Variants in REST observed in about 807,000 individuals in gnomAD.
The protein encoded by REST is RE1-silencing transcription factor.
In REST, 1 loss-of-function variant was observed where a neutral mutation model predicts 30.4. That is an observed-to-expected ratio of 0.03 (90% CI 0.01 to 0.16). REST has a LOEUF of 0.16. Among genes scored for constraint, REST ranks in the 10% least tolerant of loss-of-function variants. REST has a pLI of 1.00. For synonymous variants in REST, 504 were observed against 451.1 expected (o/e 1.12, Z -1.49); for missense variants, 1,259 against 1,329.5 (o/e 0.95, Z 0.82).
At chr4:56,914,989 A>G (rs1720120030) in intron 2 of REST, among the ~76,000 whole-genome samples, 1 of 138,184 alleles carries the variant, frequency 7.2e-6, no homozygotes, top group South Asian at 2.2e-4. Context: ...CAATGGTGCA[A>G]TCTCGGCTCA....
At chr4:56,924,164 G>GT in intron 3 of REST, among the ~76,000 whole-genome samples, 1 of 152,134 alleles carries the variant, frequency 6.6e-6, no homozygotes, top group Non-Finnish European at 1.5e-5. Context: ...AGACAGACAT[G>GT]TTTTATTTTT....
intron 3 of REST, among the ~76,000 whole-genome samples, chr4:56,927,062 C>T (rs955949423): frequency 2.6e-5 from 4 of 151,308 alleles, no homozygotes; most frequent in Non-Finnish European, 2.9e-5. Context: ...CGCCATTGCA[C>T]TCCAGACTGG....
At chr4:56,929,174 T>A (rs891627179) in intron 3 of REST, among the ~76,000 whole-genome samples, 20 of 151,784 alleles carry the variant, frequency 1.3e-4, no homozygotes, top group Non-Finnish European at 2.6e-4. Context: ...TTAAAGCAAT[T>A]CTCGTGTCTC....
Position 56,931,848 on chromosome 4 carries a change from T to C in REST, c.2990T>C (p.Met997Thr). 2 of 1,614,206 alleles carry C rather than the reference T, an allele frequency of 1.2e-6. No homozygotes were observed. Among genetic ancestry groups the C allele is most frequent in the Non-Finnish European group, 1.7e-6 (2 of 1,180,030 alleles). The change falls in exon 4 of 4, where the codon ATG becomes ACG. Residue 997 changes from methionine to threonine, a missense_variant. Around this residue, in one of 5 missense-constraint regions of REST, gnomAD observed 856 missense variants for 772.8 expected, o/e 1.11. Coordinates refer to ENST00000309042, the MANE Select transcript of REST (RefSeq NM_005612.5). ...GCACTGGCATCACCTCCTGCTACAA[T>C]GGCAGCAAATGAGTCTCAGGAAATT... ...KTALASPPATMAANESQEIDE... is the reference protein window; with the variant it reads ...KTALASPPATTAANESQEIDE...
intron 2 of REST, among the ~76,000 whole-genome samples, chr4:56,919,502 T>C (rs534394876): frequency 6.6e-5 from 10 of 152,376 alleles, no homozygotes; most frequent in African/African-American, 2.4e-4. Context: ...TTATCACTAC[T>C]TAATGTATTA....
At position 56,930,953 on chromosome 4, in the gene REST, G is replaced by T. The variant is rs756479154; in HGVS notation, c.2095G>T (p.Ala699Ser). Residue 699 changes from alanine to serine, a missense_variant, in exon 4 of 4, where the codon GCC becomes TCC. By Grantham distance (99) the Ala-to-Ser change is moderately conservative (BLOSUM62 1). Around this residue, in one of 5 missense-constraint regions of REST, gnomAD observed 856 missense variants for 772.8 expected, o/e 1.11. Transcript: ENST00000309042. ...CATGGAGACTGCTCAGACGGAGGTT[G>T]CCCAAATGGGGCCTGCTCCCATGGA... ...PPMETAQTEV[A>S]QMGPAPMEPA... is the part of the protein sequence containing the mutation. The T allele has an allele frequency of 6.2e-7, 1 of 1,613,440 alleles. No individual in the cohort carries two copies. The highest frequency in any genetic ancestry group is 2.2e-5 in the East Asian group (1 of 44,814).
rs746680187 is a variant in REST, at chr4:56,930,998, G to T, written c.2140G>T (p.Ala714Ser). 3 of 1,614,256 alleles carry T rather than the reference G, an allele frequency of 1.9e-6. No homozygotes were observed. The highest frequency in any genetic ancestry group is 2.5e-6 in the Non-Finnish European group (3 of 1,180,046). The change falls in exon 4 of 4, where the codon GCC (alanine) becomes TCC (serine). Residue 714 changes from alanine to serine, a missense_variant. Ala to Ser is a moderately conservative substitution (Grantham distance 99). This residue lies in a region of REST where 856 missense variants were observed against 772.8 expected (regional missense o/e 1.11). Coordinates refer to ENST00000309042, the MANE Select transcript of REST (RefSeq NM_005612.5). ...CATGGAACCTGCTCAGATGGAGGTT[G>T]CCCAGGTAGAATCTGCTCCCATGCA... is the stretch of plus-strand genomic sequence containing the variant. ...APMEPAQMEV[A>S]QVESAPMQVV...
intron 2 of REST, among the ~76,000 whole-genome samples, chr4:56,915,656 T>C (rs2109536390): frequency 6.6e-6 from 1 of 152,296 alleles, no homozygotes; most frequent in African/African-American, 2.4e-5. Context: ...CTGAAAATTA[T>C]GGAAAATAAA....
chr4:56,914,922 CTTTTTTTTTTTTT>C lies in REST; in HGVS notation c.898+3395_898+3407del, dbSNP rs10589188. On this transcript the variant is annotated intron_variant, in intron 2 of 3. Transcript: ENST00000309042. ...TCATTCTGATTTTTTTTTTTTTTAA[CTTTTTTTTTTTTT>C]TTTTTTTTGAGACAGTTTTACTCTT... Among the ~76,000 whole-genome samples the C allele has an allele frequency of 7.8e-4, 72 of 92,118 alleles. 3 individuals carry two copies. Among genetic ancestry groups the C allele is most frequent in the African/African-American group, 3.0e-3 (70 of 23,496 alleles). The allele number at this position is 92,118 out of a possible 152,430, so 60.4% of individuals were successfully genotyped here. A position where few individuals can be genotyped will look rare whatever the true frequency, so the allele number is the denominator to read the frequency against.
rs1444457431 is a variant in REST at position 56,934,193 on chromosome 4, A to G, written c.*2041A>G. The G allele has an allele frequency of 6.6e-6, 1 of 152,260 alleles. No homozygotes were observed. The highest frequency in any genetic ancestry group is 1.5e-5 in the Non-Finnish European group (1 of 68,048). The allele number at this position is 152,260 out of a possible 1,614,324, so 9.4% of individuals were successfully genotyped here. On this transcript the variant is annotated 3_prime_UTR_variant, in exon 4 of 4. Coordinates refer to ENST00000309042, the MANE Select transcript of REST (RefSeq NM_005612.5). ...ATATTTATGTTTTAAAACTTAAATTATAAAGCTAGTTAAGTCTTTCTAATG... is the reference window on the plus strand; with the variant it reads ...ATATTTATGTTTTAAAACTTAAATTGTAAAGCTAGTTAAGTCTTTCTAATG...
chr4:56,931,618 A>G lies in REST; in HGVS notation c.2760A>G (p.Ser920=). The part of the protein sequence containing the change: ...AANINESTHI[S]SSGQNLNTPE... ...ATATCAACGAATCTACCCATATTTCATCCTCTGGACAAAACTTGAATACGC... is the reference window on the plus strand; with the variant it reads ...ATATCAACGAATCTACCCATATTTCGTCCTCTGGACAAAACTTGAATACGC... The change falls in exon 4 of 4, where the codon TCA becomes TCG. Residue 920 remains serine (S), a synonymous_variant. Coordinates refer to ENST00000309042, the MANE Select transcript of REST (RefSeq NM_005612.5). 2 of 1,614,256 alleles carry G rather than the reference A, an allele frequency of 1.2e-6. No individual in the cohort carries two copies. Among genetic ancestry groups the G allele is most frequent in the Non-Finnish European group, 1.7e-6 (2 of 1,180,040 alleles).
chr4:56,925,843 T>C (rs1720680054), intron 3 of REST, among the ~76,000 whole-genome samples: 1 of 152,220 alleles, frequency 6.6e-6, no homozygotes, highest in African/African-American at 2.4e-5. Flanking sequence ...AGAAAATTTC[T>C]ACATCCTCCC....
intron 3 of REST, 63 bp downstream of exon 3, chr4:56,919,933 T>C: frequency 1.3e-6 from 1 of 791,408 alleles, no homozygotes; most frequent in South Asian, 2.1e-5. Context: ...GGAAATTCTT[T>C]TAGACTTGTA....
At position 56,910,839 on chromosome 4, in the gene REST, C is replaced by T; in HGVS notation, c.201C>T (p.Val67=). 4 of 1,613,982 alleles carry T rather than the reference C, an allele frequency of 2.5e-6. No individual in the cohort carries two copies. Among genetic ancestry groups the T allele is most frequent in the Non-Finnish European group, 3.4e-6 (4 of 1,180,010 alleles). ...ATGGCAGCTGCTGTGATTACCTGGTCGGTGAAGAAAGACAGATGGCAGAAC... is the reference window on the plus strand; with the variant it reads ...ATGGCAGCTGCTGTGATTACCTGGTTGGTGAAGAAAGACAGATGGCAGAAC... ...EVNGSCCDYL[V]GEERQMAELM... Residue 67 remains valine (V), a synonymous_variant, in exon 2 of 4, where the codon GTC becomes GTT. Coordinates refer to ENST00000309042, the MANE Select transcript of REST (RefSeq NM_005612.5).
At chr4:56,917,012 C>T (rs1466405284) in intron 2 of REST, among the ~76,000 whole-genome samples, 1 of 145,354 alleles carries the variant, frequency 6.9e-6, no homozygotes, top group Non-Finnish European at 1.5e-5. Flanking sequence ...ACATCCTTAG[C>T]AATAATACTG....
intron 2 of REST, among the ~76,000 whole-genome samples, chr4:56,917,969 G>A (rs1720281081): frequency 6.7e-6 from 1 of 148,232 alleles, no homozygotes; most frequent in Non-Finnish European, 1.5e-5. Context: ...GGAGAATGGT[G>A]TGAACCCAGG....
chr4:56,927,668 T>G (rs1307466073), intron 3 of REST: 4 of 1,239,184 alleles, frequency 3.2e-6, no homozygotes, highest in South Asian at 2.6e-5. Flanking sequence ...TAGATGGGTA[T>G]GTATTCAGGT....
chr4:56,925,880 C>G (rs1720683547), intron 3 of REST, among the ~76,000 whole-genome samples: 1 of 152,126 alleles, frequency 6.6e-6, no homozygotes, highest in Non-Finnish European at 1.5e-5. Flanking sequence ...CTTAGGTGGA[C>G]CCTCGCACCT....
intron 3 of REST, chr4:56,920,081 T>G: frequency 2.8e-6 from 1 of 362,710 alleles, no homozygotes; most frequent in Non-Finnish European, 4.9e-6. Flanking sequence ...TGTGTACACT[T>G]TTTCTGGGAG....
Sources: gnomAD v4.1 joint callset for allele counts (sites outside exome capture counted in the v4.1 genomes callset) on GRCh38, gnomAD v4.1.1 for gene constraint, gnomAD v4.1.1 regional missense constraint, MANE v1.5 for transcripts, NCBI Gene and HGNC (gene_info 2026-07-23, HGNC 2026-07-21) for gene names.